KCNQ3: variants seen among roughly 807,000 people sequenced by gnomAD.
The protein encoded by KCNQ3 is potassium voltage-gated channel subfamily KQT member 3.
Under a neutral mutation model 92.5 loss-of-function variants are expected in KCNQ3, and 30 were observed. The ratio of observed to expected loss-of-function variants is 0.32; its 90% CI spans 0.24 to 0.44. KCNQ3 has a LOEUF of 0.44. KCNQ3 is among the 20% of genes least tolerant of loss of function. KCNQ3 has a pLI of 1.00. For missense variants in KCNQ3, 913 were observed against 1,140.3 expected (o/e 0.80, Z 2.87); for synonymous variants, 450 against 468.8 (o/e 0.96, Z 0.52).
chr8:132,187,163 G>A (rs1053922660), intron 1 of KCNQ3: 28 of 456,024 alleles, frequency 6.1e-5, no homozygotes, highest in African/African-American at 5.4e-4. Context: ...TCCTACTCCA[G>A]GTACTCTGGT....
intron 1 of KCNQ3, among the ~76,000 whole-genome samples, chr8:132,352,153 T>G (rs1005880258): frequency 2.7e-4 from 41 of 152,208 alleles, no homozygotes; most frequent in Non-Finnish European, 5.3e-4. Flanking sequence ...AGAGATTATG[T>G]AACTTACCCA....
At chr8:132,386,551 G>T (rs1819895995) in intron 1 of KCNQ3, among the ~76,000 whole-genome samples, 1 of 151,954 alleles carries the variant, frequency 6.6e-6, no homozygotes, top group African/African-American at 2.4e-5. Flanking sequence ...AATCTTGAGG[G>T]ATATCATACA....
intron 9 of KCNQ3, 40 bp downstream of exon 9, chr8:132,163,428 A>G (rs1826050930): frequency 6.4e-7 from 1 of 1,574,154 alleles, no homozygotes; most frequent in Non-Finnish European, 8.7e-7. Flanking sequence ...CTGTCTTGAC[A>G]CAGAGATGTG....
intron 13 of KCNQ3, 31 bp from the exon 14 acceptor site, chr8:132,132,295 A>T (rs777014582): frequency 6.5e-7 from 1 of 1,547,002 alleles, no homozygotes; most frequent in African/African-American, 1.4e-5. Flanking sequence ...CTATAAGATC[A>T]TTATATCTAT....
At chr8:132,237,151 T>G (rs1241076749) in intron 1 of KCNQ3, among the ~76,000 whole-genome samples, 2 of 152,208 alleles carry the variant, frequency 1.3e-5, no homozygotes, top group African/African-American at 4.8e-5. Context: ...AGCCACTAAG[T>G]TTATGGTAAT....
chr8:132,441,136 C>T (rs1821524942), intron 1 of KCNQ3, among the ~76,000 whole-genome samples: 1 of 152,244 alleles, frequency 6.6e-6, no homozygotes, highest in South Asian at 2.1e-4. Context: ...GCCCAGTACA[C>T]TCTTTCCCAC....
At chr8:132,157,644 T>A (rs72717394) in intron 9 of KCNQ3, among the ~76,000 whole-genome samples, 13 of 69,152 alleles carry the variant, frequency 1.9e-4, no homozygotes, top group East Asian at 5.2e-4. Context: ...AACCTGTGTT[T>A]TATTTTATTT....
At chr8:132,447,874 G>A (rs1024786352) in intron 1 of KCNQ3, among the ~76,000 whole-genome samples, 8 of 152,150 alleles carry the variant, frequency 5.3e-5, no homozygotes, top group Non-Finnish European at 7.3e-5. Flanking sequence ...AAGTTACCAC[G>A]GCGTAAGTAC....
Position 132,129,945 on chromosome 8 carries a change from G to T in KCNQ3, c.1936C>A (p.His646Asn). The T allele has an allele frequency of 6.2e-7, 1 of 1,614,116 alleles. No individual in the cohort carries two copies. The highest frequency in any genetic ancestry group is 8.5e-7 in the Non-Finnish European group (1 of 1,180,024). ...ACCTGCACCTGCAACCGTTCCATGT[G>T]TTGCATGTGCATATCCACGAGGAAG... ...LDFLVDMHMQ[H>N]MERLQVQVTE... Residue 646 changes from histidine to asparagine, a missense_variant, in exon 15 of 15, where the codon CAC (histidine) becomes AAC (asparagine). Physicochemically the swap from His to Asn is moderately conservative, Grantham distance 68 (BLOSUM62 1). Coordinates refer to ENST00000388996, the MANE Select transcript of KCNQ3 (RefSeq NM_004519.4). The surrounding 1 kb of genome is among the most constrained non-coding windows in gnomAD (Gnocchi z 5.9).
At chr8:132,410,931 C>T (rs111975634) in intron 1 of KCNQ3, among the ~76,000 whole-genome samples, 4,084 of 152,286 alleles carry the variant, frequency 0.027, 198 homozygotes, top group African/African-American at 0.093. Flanking sequence ...CTGACCTCAC[C>T]GTACACACAA....
chr8:132,190,686 T>C (rs1414501156), intron 1 of KCNQ3, among the ~76,000 whole-genome samples: 2 of 152,206 alleles, frequency 1.3e-5, no homozygotes, highest in African/African-American at 4.8e-5. Flanking sequence ...CTTCGTGAGA[T>C]GCTCAGCAGA....
Position 132,262,634 on chromosome 8 carries a change from GT to G in KCNQ3, c.387-76454del, listed in dbSNP as rs10629932. On this transcript the variant is annotated intron_variant, in intron 1 of 14. Coordinates refer to ENST00000388996, the MANE Select transcript of KCNQ3 (RefSeq NM_004519.4). ...TGAAGGGGTGGAATTTCTTACAGCA[GT>G]TTTTTTTTTTTTTTTACCATGATAT... Among the ~76,000 whole-genome samples, 334 of 141,822 alleles carry G rather than the reference GT, an allele frequency of 2.4e-3. 1 individual carries two copies. The highest frequency in any genetic ancestry group is 5.3e-3 in the African/African-American group (205 of 38,418). 93.0% of individuals were successfully genotyped at this position (141,822 alleles called of 152,430 possible).
At chr8:132,265,139 T>C (rs980370708) in intron 1 of KCNQ3, among the ~76,000 whole-genome samples, 11 of 152,214 alleles carry the variant, frequency 7.2e-5, no homozygotes, top group Admixed American at 7.2e-4. Context: ...CAGCACATAG[T>C]AGGTGCTCAA....
At chr8:132,248,083 C>G (rs746228646) in intron 1 of KCNQ3, among the ~76,000 whole-genome samples, 1 of 152,150 alleles carries the variant, frequency 6.6e-6, no homozygotes, top group Non-Finnish European at 1.5e-5. Flanking sequence ...TCTGGATCCA[C>G]AGCCTGTTCT....
At chr8:132,211,892 G>A (rs572598211) in intron 1 of KCNQ3, among the ~76,000 whole-genome samples, 19 of 147,422 alleles carry the variant, frequency 1.3e-4, no homozygotes, top group African/African-American at 4.9e-4. Flanking sequence ...GGCAGGGGTT[G>A]CAATGAGCTG....
chr8:132,421,238 T>C (rs1820957202), intron 1 of KCNQ3, among the ~76,000 whole-genome samples: 1 of 152,196 alleles, frequency 6.6e-6, no homozygotes, highest in Admixed American at 6.5e-5. Context: ...ACTAAATATA[T>C]TCATGCATGT....
chr8:132,228,617 T>C (rs879467442), intron 1 of KCNQ3, among the ~76,000 whole-genome samples: 2 of 151,976 alleles, frequency 1.3e-5, no homozygotes, highest in Admixed American at 6.6e-5. Flanking sequence ...ATCTGATATA[T>C]AATCAGACAA....
intron 1 of KCNQ3, among the ~76,000 whole-genome samples, chr8:132,417,102 C>A (rs930073562): frequency 2.6e-5 from 4 of 152,220 alleles, no homozygotes; most frequent in Admixed American, 6.5e-5. Flanking sequence ...ACCTGACAGG[C>A]TGTACGAGTC....
At chr8:132,476,693 G>A (rs1304933175) in intron 1 of KCNQ3, among the ~76,000 whole-genome samples, 1 of 152,106 alleles carries the variant, frequency 6.6e-6, no homozygotes, top group African/African-American at 2.4e-5. Context: ...TATTTTACAG[G>A]TTCATTGGCA....
Sources: allele counts gnomAD v4.1 joint callset (sites outside exome capture counted in the v4.1 genomes callset), GRCh38; gene constraint gnomAD v4.1.1; non-coding constraint Gnocchi (gnomAD v3.1); transcripts MANE v1.5; gene names NCBI Gene and HGNC (gene_info 2026-07-23, HGNC 2026-07-21).